The following VPS8 variants were observed in gnomAD, a reference collection of about 807,000 sequenced individuals.
The protein encoded by VPS8 is VPS8 subunit of CORVET complex.
In VPS8, 129 loss-of-function variants were observed where a neutral mutation model predicts 216.4. The ratio of observed to expected loss-of-function variants is 0.60; its 90% CI spans 0.52 to 0.69. VPS8 has a LOEUF of 0.69. Among genes scored for constraint, VPS8 ranks in the 30% least tolerant of loss-of-function variants. The pLI, the probability that VPS8 is intolerant of heterozygous loss-of-function variation, is 0.00. For missense variants in VPS8, 1,531 were observed against 1,683.5 expected (o/e 0.91, Z 1.59); for synonymous variants, 571 against 565.4 (o/e 1.01, Z -0.14).
chr3:184,812,961 G>T (rs575307381), intron 1 of VPS8, among the ~76,000 whole-genome samples: 1 of 152,222 alleles, frequency 6.6e-6, no homozygotes, highest in Admixed American at 6.5e-5. Context: ...TTGTGCACCA[G>T]AGTGAGGGCA....
chr3:184,834,566 T>G, intron 4 of VPS8, 83 bp from the exon 5 acceptor site: 3 of 1,018,668 alleles, frequency 2.9e-6, no homozygotes, highest in Non-Finnish European at 4.2e-6. Context: ...TTTTTGTGCG[T>G]GTGTGTTTTC....
intron 40 of VPS8, among the ~76,000 whole-genome samples, 166 bp downstream of exon 40, chr3:184,971,918 T>C (rs1748483331): frequency 6.6e-6 from 1 of 152,014 alleles, no homozygotes; most frequent in South Asian, 2.1e-4. Context: ...TTACTAAAAA[T>C]ACAAAAAATT....
In VPS8 at chr3:184,855,681, A is replaced by T. The variant is rs1191461512; in HGVS notation, c.1036-30A>T. On this transcript the variant is annotated intron_variant, in intron 13 of 47. Coordinates refer to ENST00000625842, the MANE Select transcript of VPS8 (RefSeq NM_001009921.3). ...TTTGTCCCCTTGTTTATTAACTGTG[A>T]TGATTTTTTTTTTCCATCTCCCTAC... The T allele has an allele frequency of 2.4e-5, 37 of 1,530,474 alleles. No individual in the cohort carries two copies. In the Admixed American group the frequency reaches 6.3e-4, roughly 26 times the overall value. The allele number at this position is 1,530,474 out of a possible 1,614,324, so 94.8% of individuals were successfully genotyped here.
intron 20 of VPS8, among the ~76,000 whole-genome samples, chr3:184,870,001 C>T (rs1728062130): frequency 6.6e-6 from 1 of 152,114 alleles, no homozygotes; most frequent in Non-Finnish European, 1.5e-5. Flanking sequence ...TAATAAAGTA[C>T]ATAGCCAAAA....
chr3:184,914,958 C>A (rs750488600), intron 26 of VPS8, 23 bp from the exon 27 acceptor site: 21 of 1,608,940 alleles, frequency 1.3e-5, no homozygotes, highest in Non-Finnish European at 1.7e-5. Context: ...GTCACCATAT[C>A]CATTCTCATT....
intron 23 of VPS8, among the ~76,000 whole-genome samples, chr3:184,897,047 T>TGGTACAGA (rs1411616654): frequency 6.6e-6 from 1 of 152,192 alleles, no homozygotes; most frequent in Non-Finnish European, 1.5e-5. Flanking sequence ...ATCTGGAGCT[T>TGGTACAGA]GGTACAGAGG....
chr3:184,846,652 C>T (rs1312028813), intron 8 of VPS8, among the ~76,000 whole-genome samples: 5 of 152,236 alleles, frequency 3.3e-5, no homozygotes, highest in Non-Finnish European at 5.9e-5. Flanking sequence ...GCTGCTTAGA[C>T]ATCGCTCTGT....
chr3:184,948,821 G>A (rs905600815), intron 36 of VPS8, among the ~76,000 whole-genome samples: 3 of 152,156 alleles, frequency 2.0e-5, no homozygotes, highest in African/African-American at 7.2e-5. Flanking sequence ...ATCCCAGCCT[G>A]TATAGAATTA....
chr3:184,999,658 A>G, intron 44 of VPS8, 38 bp from the exon 45 acceptor site: 1 of 1,566,480 alleles, frequency 6.4e-7, no homozygotes, highest in Non-Finnish European at 8.6e-7. Context: ...GGATTTTGTG[A>G]TAATAAAAAG....
At chr3:184,945,267 C>T (rs1186695468) in intron 36 of VPS8, among the ~76,000 whole-genome samples, 1 of 151,428 alleles carries the variant, frequency 6.6e-6, no homozygotes, top group Non-Finnish European at 1.5e-5. Context: ...TTTTTCCAGC[C>T]TAAACCTCTT....
intron 31 of VPS8, among the ~76,000 whole-genome samples, chr3:184,927,775 CTA>C (rs1739933320): frequency 6.6e-6 from 1 of 152,172 alleles, no homozygotes; most frequent in Non-Finnish European, 1.5e-5. Context: ...CTACCAGTCT[CTA>C]TGAATTTTAC....
chr3:184,824,686 G>A lies in VPS8; in HGVS notation c.54G>A (p.Thr18=), dbSNP rs770681497. Residue 18 remains threonine (T), a synonymous_variant, in exon 2 of 48, where the codon ACG becomes ACA. Transcript: ENST00000625842. The part of the protein sequence containing the change: ...ENVEQSLCAK[T]SEEELNKSFN... ...TGGAACAGAGCCTCTGTGCCAAGAC[G>A]AGCGAAGAAGAGCTGAATAAGTCTT... 16 of 1,613,826 alleles carry A rather than the reference G, an allele frequency of 9.9e-6. No homozygotes were observed. The highest frequency in any genetic ancestry group is 6.7e-5 in the African/African-American group (5 of 74,910).
chr3:184,827,978 A>T (rs1719160801), intron 3 of VPS8, among the ~76,000 whole-genome samples: 1 of 152,216 alleles, frequency 6.6e-6, no homozygotes, highest in Non-Finnish European at 1.5e-5. Context: ...TGTGGGGAGT[A>T]CTAAAGAAAA....
chr3:184,893,365 A>T, intron 22 of VPS8: 1 of 1,201,906 alleles, frequency 8.3e-7, no homozygotes, highest in Non-Finnish European at 1.1e-6. Context: ...GACATGATAT[A>T]CATATAAAGA....
intron 45 of VPS8, among the ~76,000 whole-genome samples, chr3:185,017,858 A>T (rs1413772324): frequency 6.6e-6 from 1 of 152,020 alleles, no homozygotes; most frequent in Admixed American, 6.5e-5. Flanking sequence ...CGTTTCCCGA[A>T]ATCAGGTTCC....
intron 42 of VPS8, among the ~76,000 whole-genome samples, chr3:184,991,884 A>T (rs556886527): frequency 6.6e-6 from 1 of 152,300 alleles, no homozygotes; most frequent in South Asian, 2.1e-4. Context: ...TATTTGACAG[A>T]TATCTTTAGC....
chr3:184,994,377 G>T (rs1477416190), intron 43 of VPS8, among the ~76,000 whole-genome samples: 1 of 151,900 alleles, frequency 6.6e-6, no homozygotes, highest in Non-Finnish European at 1.5e-5. Flanking sequence ...GGTGGCATGT[G>T]CCTATAATTG....
chr3:184,902,672 A>T (rs1734758443), intron 25 of VPS8, among the ~76,000 whole-genome samples: 2 of 150,292 alleles, frequency 1.3e-5, no homozygotes, highest in Admixed American at 1.3e-4. Context: ...TCTACTATAA[A>T]TACAAAAATT....
chr3:184,904,790 T>A (rs545407354), intron 25 of VPS8, among the ~76,000 whole-genome samples: 18 of 152,328 alleles, frequency 1.2e-4, no homozygotes, highest in East Asian at 3.9e-4. Context: ...TTAACTTTTT[T>A]AATGTTTGAC....
Sources: allele counts gnomAD v4.1 joint callset (sites outside exome capture counted in the v4.1 genomes callset), GRCh38; gene constraint gnomAD v4.1.1; transcripts MANE v1.5; gene names NCBI Gene and HGNC (gene_info 2026-07-23, HGNC 2026-07-21).